Variants in REV3L observed in about 807,000 individuals in gnomAD.
The protein encoded by REV3L is DNA polymerase zeta catalytic subunit.
REV3L carries 69 observed loss-of-function variants against 299.4 expected under a neutral mutation model. The observed-to-expected ratio is 0.23, with a 90% CI of 0.19 to 0.28. The LOEUF (loss-of-function observed/expected upper bound fraction) is 0.28. REV3L is among the 10% of genes least tolerant of loss of function. REV3L has a pLI of 1.00. For missense variants in REV3L, 3,128 were observed against 3,693.8 expected (o/e 0.85, Z 3.97); for synonymous variants, 1,238 against 1,271.4 (o/e 0.97, Z 0.56).
intron 4 of REV3L, among the ~76,000 whole-genome samples, chr6:111,393,749 A>T (rs907426736): frequency 1.3e-5 from 2 of 151,964 alleles, no homozygotes; most frequent in African/African-American, 4.8e-5. Context: ...CCAGACTGGA[A>T]TCAATCTCCT....
Position 111,440,051 on chromosome 6 carries a change from T to C in REV3L, c.140-23579A>G, listed in dbSNP as rs148592469. On this transcript the variant is annotated intron_variant, in intron 1 of 31. Coordinates refer to ENST00000368802, the MANE Select transcript of REV3L (RefSeq NM_001372078.1). ...CAGAAAATGCTTTCCAAGAGTTCAC[T>C]GAATCCTGAAGCACAGATTTTTTTT... Among the ~76,000 whole-genome samples the C allele has an allele frequency of 3.2e-3, 494 of 152,104 alleles. 2 individuals are homozygous for C. Among genetic ancestry groups the C allele is most frequent in the Non-Finnish European group, 5.6e-3 (381 of 68,008 alleles).
At chr6:111,474,727 A>G (rs557110983) in intron 1 of REV3L, among the ~76,000 whole-genome samples, 1 of 152,336 alleles carries the variant, frequency 6.6e-6, no homozygotes, top group East Asian at 1.9e-4. Context: ...TGCAGTAATC[A>G]TTTGTTTGTA....
upstream of REV3L, chr6:111,483,479 G>C (rs1292959990): frequency 1.9e-6 from 1 of 517,898 alleles, no homozygotes; most frequent in East Asian, 4.7e-5. Flanking sequence ...CAGCGGAAGG[G>C]GCGGCGGAGC....
chr6:111,307,925 T>C (rs889107741), intron 30 of REV3L: 1 of 284,186 alleles, frequency 3.5e-6, no homozygotes, highest in African/African-American at 2.2e-5. Context: ...CCTAATGCTA[T>C]CCCTCCCCCA....
intron 2 of REV3L, chr6:111,412,147 C>A (rs559100694): frequency 3.0e-6 from 3 of 985,254 alleles, no homozygotes; most frequent in African/African-American, 1.7e-5. Flanking sequence ...ATTTCAGTAG[C>A]TGATATGAAT....
intron 16 of REV3L, among the ~76,000 whole-genome samples, chr6:111,359,366 TTAGC>T (rs1357919643): frequency 6.6e-6 from 1 of 152,138 alleles, no homozygotes; most frequent in Non-Finnish European, 1.5e-5. Context: ...CTTCATGTAG[TTAGC>T]TAAACTATAT....
intron 25 of REV3L, among the ~76,000 whole-genome samples, chr6:111,323,137 C>T (rs1774376208): frequency 2.6e-5 from 4 of 152,004 alleles, no homozygotes; most frequent in Admixed American, 6.5e-5. Context: ...TATAGGCGCA[C>T]GCCACCACAC....
Position 111,373,509 on chromosome 6 carries a change from C to G in REV3L, c.4846G>C (p.Val1616Leu). The G allele has an allele frequency of 6.2e-7, 1 of 1,613,332 alleles. No individual in the cohort carries two copies. The highest frequency in any genetic ancestry group is 8.5e-7 in the Non-Finnish European group (1 of 1,179,790). Residue 1616 changes from valine to leucine, a missense_variant, in exon 13 of 32, where the codon GTA becomes CTA. Val to Leu is a conservative substitution (Grantham distance 32). Transcript: ENST00000368802. ...LQNSSQLDNS[V>L]SDDSPIFFSD... ...AAAAAGATGGGACTATCATCTGATA[C>G]AGAGTTATCCAACTGGCTAGAGTTT...
At position 111,375,281 on chromosome 6, in the gene REV3L, G is replaced by C; in HGVS notation, c.3074C>G (p.Pro1025Arg). Residue 1025 changes from proline (P) to arginine (R), a missense_variant, in exon 13 of 32, where the codon CCA (proline) becomes CGA (arginine). By Grantham distance (103) the Pro-to-Arg change is moderately radical (BLOSUM62 -2). Transcript: ENST00000368802. ...GGTTGCAGGGGAGTCGGGAACTTTT[G>C]GCCAAAAGTCCTTCAAAGGTGCAAG... Reference protein sequence around the residue: ...KKLAPLKDFWPKVPDSPATKY... With the variant: ...KKLAPLKDFWRKVPDSPATKY... 1 of 1,604,706 alleles carries C rather than the reference G, an allele frequency of 6.2e-7. No individual in the cohort carries two copies. Among genetic ancestry groups the C allele is most frequent in the Non-Finnish European group, 8.5e-7 (1 of 1,178,062 alleles).
chr6:111,323,533 A>G (rs1015438798), intron 25 of REV3L, among the ~76,000 whole-genome samples: 2 of 152,232 alleles, frequency 1.3e-5, no homozygotes, highest in African/African-American at 4.8e-5. Flanking sequence ...AGGTAGATAT[A>G]TATCTAGGAA....
chr6:111,348,500 C>G (rs1281734418), intron 20 of REV3L, among the ~76,000 whole-genome samples: 2 of 152,160 alleles, frequency 1.3e-5, no homozygotes, highest in African/African-American at 4.8e-5. Context: ...AAATATACTT[C>G]ATTTGAGAAG....
chr6:111,427,575 T>C (rs137992988), intron 1 of REV3L, among the ~76,000 whole-genome samples: 41 of 152,190 alleles, frequency 2.7e-4, no homozygotes, highest in Non-Finnish European at 5.4e-4. Context: ...GTGAAAAAAC[T>C]CTGAGCAAAA....
chr6:111,313,266 G>T, intron 28 of REV3L, 86 bp downstream of exon 28: 2 of 1,217,308 alleles, frequency 1.6e-6, no homozygotes, highest in Non-Finnish European at 2.3e-6. Context: ...CCTTCACCTA[G>T]ATGCATGTTT....
intron 16 of REV3L, among the ~76,000 whole-genome samples, chr6:111,360,293 T>C (rs540087240): frequency 2.6e-5 from 4 of 152,208 alleles, no homozygotes; most frequent in African/African-American, 7.2e-5. Flanking sequence ...AGCACATGCA[T>C]AGAAAATTTC....
chr6:111,473,903 A>G (rs1792567289), intron 1 of REV3L, among the ~76,000 whole-genome samples: 1 of 152,166 alleles, frequency 6.6e-6, no homozygotes, highest in East Asian at 1.9e-4. Context: ...CCTGCTATGT[A>G]GATTTCAGTT....
At chr6:111,478,097 T>C (rs955807145) in intron 1 of REV3L, among the ~76,000 whole-genome samples, 1 of 152,240 alleles carries the variant, frequency 6.6e-6, no homozygotes, top group Non-Finnish European at 1.5e-5. Context: ...TCAATTACCT[T>C]GTAGCTGTTC....
At chr6:111,445,245 A>AG in intron 1 of REV3L, among the ~76,000 whole-genome samples, 1 of 152,292 alleles carries the variant, frequency 6.6e-6, no homozygotes, top group African/African-American at 2.4e-5. Flanking sequence ...AAAGGTAGGG[A>AG]GGGGGGCAAG....
intron 1 of REV3L, among the ~76,000 whole-genome samples, chr6:111,439,848 C>G (rs1162722842): frequency 6.6e-6 from 1 of 152,110 alleles, no homozygotes; most frequent in Non-Finnish European, 1.5e-5. Flanking sequence ...AGAAAGGGCC[C>G]AATTCCTCTT....
chr6:111,436,597 T>C (rs1331936028), intron 1 of REV3L, among the ~76,000 whole-genome samples: 6 of 152,184 alleles, frequency 3.9e-5, no homozygotes, highest in Admixed American at 1.3e-4. Context: ...CATGAAGATA[T>C]AGAGTAGACT....
Sources: allele counts gnomAD v4.1 joint callset (sites outside exome capture counted in the v4.1 genomes callset), GRCh38; gene constraint gnomAD v4.1.1; transcripts MANE v1.5; gene names NCBI Gene and HGNC (gene_info 2026-07-23, HGNC 2026-07-21).